The following COL20A1 variants were observed in gnomAD, a reference collection of about 807,000 sequenced individuals.
COL20A1 encodes the protein collagen type XX alpha 1 chain.
A neutral mutation model predicts 152.9 loss-of-function variants in COL20A1; 164 were observed. That is an observed-to-expected ratio of 1.07 (90% CI 0.94 to 1.22). COL20A1 has a LOEUF of 1.22. Among genes scored for constraint, COL20A1 ranks in the 50% most tolerant of loss-of-function variants. The pLI is 0.00. For synonymous variants in COL20A1, 864 were observed against 756.0 expected (o/e 1.14, Z -2.34); for missense variants, 1,873 against 1,744.8 (o/e 1.07, Z -1.31).
intron 6 of COL20A1, 35 bp downstream of exon 6, chr20:63,307,683 C>G (rs777416314): frequency 6.3e-7 from 1 of 1,595,244 alleles, no homozygotes; most frequent in Non-Finnish European, 8.6e-7. Context: ...CTGCCCCACC[C>G]GGGTGTGGTC....
At chr20:63,310,790 C>A (rs2067994967) in intron 11 of COL20A1, among the ~76,000 whole-genome samples, 1 of 152,108 alleles carries the variant, frequency 6.6e-6, no homozygotes, top group African/African-American at 2.4e-5. Flanking sequence ...TGGAGCTCCC[C>A]CCTGCTTGGC....
Position 63,329,888 on chromosome 20 carries a change from G to A in COL20A1, c.*3+227G>A, listed in dbSNP as rs377015880. Among the ~76,000 whole-genome samples the A allele has an allele frequency of 2.0e-4, 30 of 152,308 alleles. 1 individual carries two copies. In the South Asian group the frequency reaches 4.4e-3, roughly 22 times the overall value. On this transcript the variant is annotated intron_variant, in intron 35 of 35. Transcript: ENST00000358894. ...CAGGGTGTGGGGTCACAGGGCGTGG[G>A]GTCACAGGACGTGGGGTTCCGGAGA...
Position 63,325,469 on chromosome 20 carries a change from G to A in COL20A1, c.3323G>A (p.Gly1108Glu). 6.2e-7 allele frequency: 1 copy of A among 1,613,004 alleles called. No individual in the cohort carries two copies. Among genetic ancestry groups the A allele is most frequent in the Non-Finnish European group, 8.5e-7 (1 of 1,179,670 alleles). ...CCACCAGGGGTCAAAGGAGAGAAGGGAGACCATGGGCTTCCAGGCTTGCAG... is the reference window on the plus strand; with the variant it reads ...CCACCAGGGGTCAAAGGAGAGAAGGAAGACCATGGGCTTCCAGGCTTGCAG... ...RGPPGVKGEK[G>E]DHGLPGLQGH... The change falls in exon 28 of 36, where the codon GGA becomes GAA. Residue 1108 changes from glycine to glutamate, a missense_variant. Physicochemically the swap from Gly to Glu is moderately conservative, Grantham distance 98. Transcript: ENST00000358894.
At chr20:63,295,451 A>G (rs2067776702) in intron 2 of COL20A1, among the ~76,000 whole-genome samples, 1 of 152,210 alleles carries the variant, frequency 6.6e-6, no homozygotes, top group African/African-American at 2.4e-5. Flanking sequence ...TTCCACGAAC[A>G]CCTTTCGGAG....
At chr20:63,314,050 C>G in intron 18 of COL20A1, 22 bp from the exon 19 acceptor site, 1 of 1,612,462 alleles carries the variant, frequency 6.2e-7, no homozygotes, top group Non-Finnish European at 8.5e-7. Flanking sequence ...AAGTGGGGAC[C>G]AGGCACCCTC....
In COL20A1 at chr20:63,305,775, G is replaced by A; in HGVS notation, c.338-106G>A. On this transcript the variant is annotated intron_variant, in intron 4 of 35. Transcript: ENST00000358894. The surrounding 1 kb of genome is among the most constrained non-coding windows in gnomAD (Gnocchi z 4.9). Reference sequence around the variant, plus strand: ...TCTTTGCATGCCTCCCAGGCTCCTGGGCCCTCAGCACCCACAGATGCGCCC... The same window carrying A: ...TCTTTGCATGCCTCCCAGGCTCCTGAGCCCTCAGCACCCACAGATGCGCCC... 7.9e-7 allele frequency: 1 copy of A among 1,264,862 alleles called. No homozygotes were observed. Among genetic ancestry groups the A allele is most frequent in the Non-Finnish European group, 1.1e-6 (1 of 897,646 alleles). 78.4% of individuals were successfully genotyped at this position (1,264,862 alleles called of 1,614,324 possible).
At chr20:63,328,152 G>A (rs371728897) in intron 33 of COL20A1, 25 bp downstream of exon 33, 74 of 1,612,096 alleles carry the variant, frequency 4.6e-5, no homozygotes, top group Non-Finnish European at 6.1e-5. Flanking sequence ...CAGAGTGAGT[G>A]AGGCCAGCAG....
rs908095601 is a variant in COL20A1 at position 63,326,091 on chromosome 20, A to G, written c.3403-5A>G. 1.2e-6 allele frequency: 2 copies of G among 1,612,598 alleles called. No homozygotes were observed. Among genetic ancestry groups the G allele is most frequent in the Admixed American group, 1.7e-5 (1 of 60,004 alleles). ...CACCCAGCTTGCGCCTTCCTTTGCC[A>G]TCAGGGAATGAGAGGCCTGGAGGGA... is the stretch of plus-strand genomic sequence containing the variant. On this transcript the variant is annotated splice_polypyrimidine_tract_variant and splice_region_variant and intron_variant, in intron 29 of 35. Transcript: ENST00000358894.
rs907698114 is a variant in COL20A1 at position 63,305,814 on chromosome 20, T to C, written c.338-67T>C. 1.1e-5 allele frequency: 16 copies of C among 1,506,192 alleles called. No individual in the cohort carries two copies. In the African/African-American group the frequency reaches 1.9e-4, roughly 18 times the overall value. 93.3% of individuals were successfully genotyped at this position (1,506,192 alleles called of 1,614,324 possible). On this transcript the variant is annotated intron_variant, in intron 4 of 35. Coordinates refer to ENST00000358894, the MANE Select transcript of COL20A1 (RefSeq NM_020882.4). This position sits in a 1 kb window ranked among gnomAD's most constrained non-coding sequence, Gnocchi z 4.9. ...ACAGATGCGCCCTTGAAGGGGTGTA[T>C]GTGCAGCTGCCCCAGTGGACCAGGC...
At chr20:63,302,011 T>A (rs188231372) in intron 3 of COL20A1, among the ~76,000 whole-genome samples, 4 of 152,296 alleles carry the variant, frequency 2.6e-5, no homozygotes, top group Admixed American at 2.6e-4. Context: ...AATGGAAAAA[T>A]TTAAACACAG....
chr20:63,307,770 A>G (rs1159024260), intron 6 of COL20A1, 122 bp downstream of exon 6: 3 of 1,245,608 alleles, frequency 2.4e-6, no homozygotes, highest in South Asian at 2.9e-5. Flanking sequence ...GTGGGGTGGG[A>G]CGCCTGCTCC....
At chr20:63,307,407 C>A in intron 5 of COL20A1, 83 bp from the exon 6 acceptor site, 1 of 1,361,016 alleles carries the variant, frequency 7.3e-7, no homozygotes, top group East Asian at 2.4e-5. Context: ...ACTCTTGTGG[C>A]TGGAGCCCCG....
At chr20:63,322,509 C>G (rs768380662) in intron 27 of COL20A1, among the ~76,000 whole-genome samples, 8 of 152,160 alleles carry the variant, frequency 5.3e-5, no homozygotes, top group African/African-American at 7.2e-5. Flanking sequence ...GGGCTGGGCC[C>G]AGGAGCTTAG....
Position 63,308,685 on chromosome 20 carries a change from G to A in COL20A1, c.919G>A (p.Gly307Ser). The part of the protein sequence containing the change: ...HTAARVLKDL[G>S]VNVFAVGVKN... ...TGCTGCCCGTGTCCTCAAGGACCTG[G>A]GCGTGAACGTCTTCGCTGTGGGTGA... The change falls in exon 8 of 36, where the codon GGC (glycine) becomes AGC (serine). Residue 307 changes from glycine to serine, a missense_variant. Coordinates refer to ENST00000358894, the MANE Select transcript of COL20A1 (RefSeq NM_020882.4). 1 of 1,605,674 alleles carries A rather than the reference G, an allele frequency of 6.2e-7. No individual in the cohort carries two copies. The highest frequency in any genetic ancestry group is 2.2e-5 in the East Asian group (1 of 44,516).
intron 27 of COL20A1, 64 bp downstream of exon 27, chr20:63,322,175 C>A: frequency 7.8e-7 from 1 of 1,282,276 alleles, no homozygotes; most frequent in South Asian, 1.5e-5. Context: ...GAGAACACCC[C>A]TCCCAGTGCA....
intron 20 of COL20A1, among the ~76,000 whole-genome samples, chr20:63,316,307 C>T (rs1001124130): frequency 6.7e-6 from 1 of 149,394 alleles, no homozygotes; most frequent in Non-Finnish European, 1.5e-5. Flanking sequence ...TGGGGAGCGG[C>T]CCCTCCCAGT....
At position 63,316,609 on chromosome 20, in the gene COL20A1, G is replaced by A. The variant is rs759696583; in HGVS notation, c.2581G>A (p.Gly861Ser). The A allele has an allele frequency of 1.3e-6, 2 of 1,584,614 alleles. No individual in the cohort carries two copies. Among genetic ancestry groups the A allele is most frequent in the Non-Finnish European group, 8.6e-7 (1 of 1,165,726 alleles). Reference sequence around the variant, plus strand: ...GGAAAAGGCTTATGCGTCCATCCGGGGCGTGGCCATGGAGCCCTCTGCCTT... The same window carrying A: ...GGAAAAGGCTTATGCGTCCATCCGGAGCGTGGCCATGGAGCCCTCTGCCTT... ...LVEKAYASIRGVAMEPSAFGG... is the reference protein window; with the variant it reads ...LVEKAYASIRSVAMEPSAFGG... The change falls in exon 21 of 36, where the codon GGC becomes AGC. Residue 861 changes from glycine to serine, a missense_variant. Gly to Ser is a moderately conservative substitution (Grantham distance 56). Transcript: ENST00000358894.
intron 21 of COL20A1, 63 bp downstream of exon 21, chr20:63,316,754 G>A: frequency 7.6e-7 from 1 of 1,308,448 alleles, no homozygotes. Flanking sequence ...AGATTAGGAG[G>A]ACATGGTGGG....
rs2068120494 is a variant in COL20A1 at position 63,318,998 on chromosome 20, T to G, written c.2664-60T>G. On this transcript the variant is annotated intron_variant, in intron 21 of 35. Transcript: ENST00000358894. ...CTGGGGCTGGGCGAGCGGATCGTTC[T>G]GCCAGGTTTGGCTGCCCTTGGGTCT... The G allele has an allele frequency of 2.1e-6, 3 of 1,405,770 alleles. No individual in the cohort carries two copies. The South Asian group carries it at 3.6e-5, about 17-fold the overall frequency. The allele number at this position is 1,405,770 out of a possible 1,614,324, so 87.1% of individuals were successfully genotyped here. A position where few individuals can be genotyped will look rare whatever the true frequency, so the allele number is the denominator to read the frequency against.
Sources: allele counts gnomAD v4.1 joint callset (sites outside exome capture counted in the v4.1 genomes callset), GRCh38; gene constraint gnomAD v4.1.1; non-coding constraint Gnocchi (gnomAD v3.1); transcripts MANE v1.5; gene names NCBI Gene and HGNC (gene_info 2026-07-23, HGNC 2026-07-21).